Variants in TMEM74 observed in about 807,000 individuals in gnomAD.
The protein encoded by TMEM74 is transmembrane protein 74.
A neutral mutation model predicts 18.1 loss-of-function variants in TMEM74; 13 were observed. That is an observed-to-expected ratio of 0.72 (90% confidence interval 0.47 to 1.14). TMEM74 has a LOEUF of 1.14. Among genes scored for constraint, TMEM74 ranks in the 50% most tolerant of loss-of-function variants. TMEM74 has a pLI of 0.00. For synonymous variants in TMEM74, 159 were observed against 146.6 expected, an observed-to-expected ratio of 1.08 and a Z score of -0.61; for missense variants, 372 against 375.9, an observed-to-expected ratio of 0.99 and a Z score of 0.09.
At chr8:108,675,978 AC>A (rs1813052762) in intron 1 of TMEM74, among the ~76,000 whole-genome samples, 1 of 152,200 alleles carries the variant, frequency 6.6e-6, no homozygotes, top group Admixed American at 6.5e-5. Context: ...AGAAAGAAAA[AC>A]AAAAAGGATA....
intron 1 of TMEM74, among the ~76,000 whole-genome samples, chr8:108,735,684 T>C (rs933383193): frequency 2.6e-5 from 4 of 152,204 alleles, no homozygotes; most frequent in Non-Finnish European, 5.9e-5. Flanking sequence ...ACGTACAAGT[T>C]TGTATGTGGA....
At chr8:108,632,015 ATGGG>A (rs1472182319) in intron 2 of TMEM74, among the ~76,000 whole-genome samples, 16 of 152,006 alleles carry the variant, frequency 1.1e-4, no homozygotes, top group African/African-American at 3.9e-4. Context: ...TCCTACCCTC[ATGGG>A]AGGCTTACCA....
chr8:108,747,599 A>G (rs1181556771), intron 1 of TMEM74, among the ~76,000 whole-genome samples: 2 of 151,820 alleles, frequency 1.3e-5, no homozygotes, highest in Non-Finnish European at 2.9e-5. Context: ...GTACATGTGC[A>G]GGTTTGTTAC....
intron 1 of TMEM74, among the ~76,000 whole-genome samples, chr8:108,745,293 T>C: frequency 6.6e-6 from 1 of 152,120 alleles, no homozygotes; most frequent in Non-Finnish European, 1.5e-5. Context: ...GTAATTATGG[T>C]CTCTGTTGTA....
intron 1 of TMEM74, among the ~76,000 whole-genome samples, chr8:108,708,393 A>G (rs1017255432): frequency 2.0e-5 from 3 of 151,994 alleles, no homozygotes; most frequent in Non-Finnish European, 4.4e-5. Flanking sequence ...TCCTTTGGGT[A>G]TATATCCCAT....
rs142240937 is a variant in TMEM74, at chr8:108,623,298, T to C, written n.265-14472A>G. ...GTCTTCAAAACTATTAAGAGTGTTG[T>C]CTTTGGCTCCAGATAAGCAAAACAA... On this transcript the variant is annotated intron_variant and non_coding_transcript_variant, in intron 2 of 3. Transcript: ENST00000518838. 7.6e-3 allele frequency among the ~76,000 whole-genome samples: 1,153 copies of C among 152,208 alleles called. 18 individuals are homozygous for C. Among genetic ancestry groups the C allele is most frequent in the African/African-American group, 0.025 (1,033 of 41,552 alleles).
Position 108,780,640 on chromosome 8 carries a change from C to T in TMEM74, c.*3541G>A, listed in dbSNP as rs192192902. Among the ~76,000 whole-genome samples the T allele has an allele frequency of 4.6e-5, 7 of 152,210 alleles. No homozygotes were observed. In the East Asian group the frequency reaches 1.4e-3, roughly 29 times the overall value. Reference sequence around the variant, plus strand: ...AACAAATAAGTATGAGGGGGATGAACTCATATTTTAAGCAGACAGCAAAGC... The same window carrying T: ...AACAAATAAGTATGAGGGGGATGAATTCATATTTTAAGCAGACAGCAAAGC... On this transcript the variant is annotated 3_prime_UTR_variant, in exon 2 of 2. Coordinates refer to ENST00000297459, the MANE Select transcript of TMEM74 (RefSeq NM_153015.3).
Position 108,784,981 on chromosome 8 carries a change from G to A in TMEM74, c.118C>T (p.Leu40Phe), listed in dbSNP as rs1356565082. ...QADTAATRAA[L>F]CCQKQCASTP... is the part of the protein sequence containing the mutation. ...GATGCACACTGTTTCTGACAGCAGAGAGCAGCTCTTGTGGCTGCTGTATCT... is the reference window on the plus strand; with the variant it reads ...GATGCACACTGTTTCTGACAGCAGAAAGCAGCTCTTGTGGCTGCTGTATCT... Residue 40 changes from leucine to phenylalanine, a missense_variant, in exon 2 of 2, where the codon CTC becomes TTC. By Grantham distance (22) the Leu-to-Phe change is conservative (BLOSUM62 0). Coordinates refer to ENST00000297459, the MANE Select transcript of TMEM74 (RefSeq NM_153015.3). 15 of 1,614,160 alleles carry A rather than the reference G, an allele frequency of 9.3e-6. No individual in the cohort carries two copies. The highest frequency in any genetic ancestry group is 3.3e-4 in the Middle Eastern group (2 of 6,062).
At chr8:108,725,419 G>T (rs1258366390) in intron 1 of TMEM74, among the ~76,000 whole-genome samples, 1 of 152,124 alleles carries the variant, frequency 6.6e-6, no homozygotes, top group Non-Finnish European at 1.5e-5. Context: ...AAATGAATGG[G>T]TAAATACACC....
intron 1 of TMEM74, among the ~76,000 whole-genome samples, chr8:108,749,859 AC>A (rs1192394928): frequency 1.3e-5 from 2 of 152,090 alleles, no homozygotes; most frequent in Non-Finnish European, 2.9e-5. Flanking sequence ...CAGATTAGTA[AC>A]CACAGATACC....
chr8:108,677,544 T>C (rs986816342), intron 1 of TMEM74, among the ~76,000 whole-genome samples: 23 of 138,068 alleles, frequency 1.7e-4, no homozygotes, highest in Admixed American at 2.9e-4. Context: ...TAGTATTCTG[T>C]TGTTTTTTTT....
chr8:108,705,308 A>G (rs550967936), intron 1 of TMEM74, among the ~76,000 whole-genome samples: 3 of 152,318 alleles, frequency 2.0e-5, no homozygotes, highest in South Asian at 4.2e-4. Flanking sequence ...AAGGTTATTT[A>G]TCTGTGTTAA....
At chr8:108,694,156 T>C (rs1813258323) in intron 1 of TMEM74, among the ~76,000 whole-genome samples, 1 of 152,230 alleles carries the variant, frequency 6.6e-6, no homozygotes, top group Admixed American at 6.5e-5. Context: ...GAAACTCGTG[T>C]CATGTGAAAT....
At position 108,659,944 on chromosome 8, in the gene TMEM74, G is replaced by A. The variant is rs376615277; in HGVS notation, n.120-4507C>T. Among the ~76,000 whole-genome samples, 55 of 152,262 alleles carry A rather than the reference G, an allele frequency of 3.6e-4. 1 individual carries two copies. In the East Asian group the frequency reaches 5.6e-3, roughly 16 times the overall value. On this transcript the variant is annotated intron_variant and non_coding_transcript_variant, in intron 1 of 3. Coordinates refer to the TMEM74 transcript ENST00000518838. ...CAGCTCCCTTCAGGACAACTTTGAT[G>A]AGCCGTATGCTACCCAGAGCTCCTG...
At position 108,784,757 on chromosome 8, in the gene TMEM74, C is replaced by G; in HGVS notation, c.342G>C (p.Val114=). 6.2e-7 allele frequency: 1 copy of G among 1,614,146 alleles called. No homozygotes were observed. Among genetic ancestry groups the G allele is most frequent in the Non-Finnish European group, 8.5e-7 (1 of 1,180,012 alleles). The stretch of plus-strand genomic sequence containing the variant: ...GCTGCTCCAAGTTGATGTTTTTGTC[C>G]ACATAGGTAAAAGAAGTTTCTAATT... ...SQELETSFTY[V]DKNINLEQRN... Residue 114 remains valine, a synonymous_variant, in exon 2 of 2, where the codon GTG becomes GTC. Transcript: ENST00000297459.
intron 1 of TMEM74, among the ~76,000 whole-genome samples, chr8:108,684,433 C>A (rs1283696971): frequency 6.6e-6 from 1 of 151,116 alleles, no homozygotes. Context: ...ATTTTTTGCC[C>A]ATTTTTTTTT....
At chr8:108,633,655 C>T (rs1481662504) in intron 2 of TMEM74, among the ~76,000 whole-genome samples, 2 of 151,900 alleles carry the variant, frequency 1.3e-5, no homozygotes, top group Non-Finnish European at 2.9e-5. Context: ...AGTCTTTGTT[C>T]TTATCCATCT....
chr8:108,732,334 C>CGT (rs1345123107), intron 1 of TMEM74, among the ~76,000 whole-genome samples: 2 of 152,224 alleles, frequency 1.3e-5, no homozygotes, highest in East Asian at 3.9e-4. Flanking sequence ...CATTTATATA[C>CGT]GTGTGTGTGT....
intron 2 of TMEM74, chr8:108,652,501 G>C (rs903469851): frequency 8.0e-5 from 34 of 426,326 alleles, no homozygotes; most frequent in African/African-American, 6.0e-4. Context: ...ATGCCAGGAG[G>C]GAGAGACCCT....
Sources: allele counts gnomAD v4.1 joint callset (sites outside exome capture counted in the v4.1 genomes callset), GRCh38; gene constraint gnomAD v4.1.1; transcripts MANE v1.5; gene names NCBI Gene and HGNC (gene_info 2026-07-23, HGNC 2026-07-21).